FAM135B: variants seen among roughly 807,000 people sequenced by gnomAD.
The protein encoded by FAM135B is family with sequence similarity 135 member B, also known as protein FAM135B.
FAM135B carries 43 observed loss-of-function variants against 127.7 expected under a neutral mutation model. The ratio of observed to expected loss-of-function variants is 0.34; its 90% CI spans 0.26 to 0.43. FAM135B has a LOEUF of 0.43. Ranked by LOEUF, FAM135B falls within the 20% of genes least tolerant of loss-of-function variation. The probability of loss-of-function intolerance (pLI) is 1.00; values close to 1 mark genes in which losing one functional copy is unlikely to be tolerated. For synonymous variants in FAM135B, 670 were observed against 665.1 expected (o/e 1.01, Z -0.11); for missense variants, 1,558 against 1,725.6 (o/e 0.90, Z 1.72).
intron 3 of FAM135B, among the ~76,000 whole-genome samples, chr8:138,282,310 G>A (rs1824325595): frequency 6.6e-6 from 1 of 152,090 alleles, no homozygotes; most frequent in African/African-American, 2.4e-5. Context: ...TCCTGAAAAA[G>A]AGAAGAACTG....
intron 1 of FAM135B, among the ~76,000 whole-genome samples, chr8:138,378,446 G>A (rs1036675271): frequency 1.3e-5 from 2 of 152,168 alleles, no homozygotes; most frequent in East Asian, 1.9e-4. Context: ...TATGATAAAT[G>A]CTTAATAAGT....
At chr8:138,396,216 C>G (rs1247029331) in intron 1 of FAM135B, among the ~76,000 whole-genome samples, 1 of 152,116 alleles carries the variant, frequency 6.6e-6, no homozygotes, top group Non-Finnish European at 1.5e-5. Flanking sequence ...TGCAGTCTTC[C>G]CCACTGAAAT....
intron 1 of FAM135B, among the ~76,000 whole-genome samples, chr8:138,452,545 A>G (rs538901721): frequency 3.3e-5 from 5 of 152,324 alleles, no homozygotes; most frequent in East Asian, 1.9e-4. Flanking sequence ...CAGCTTCTAC[A>G]TAGACATCCT....
At position 138,243,698 on chromosome 8, in the gene FAM135B, A is replaced by G. The variant is rs1821049940; in HGVS notation, c.543-630T>C. Among the ~76,000 whole-genome samples, 2 of 152,228 alleles carry G rather than the reference A, an allele frequency of 1.3e-5. No individual in the cohort carries two copies. The highest frequency in any genetic ancestry group is 2.4e-5 in the African/African-American group (1 of 41,454). On this transcript the variant is annotated intron_variant, in intron 6 of 19. Transcript: ENST00000395297. This position sits in a 1 kb window ranked among gnomAD's most constrained non-coding sequence, Gnocchi z 7.5. ...TGTGATGGCAATGATCAATTTCAGGATCAAAGGAGATTAGGAAAAGATGTG... is the reference window on the plus strand; with the variant it reads ...TGTGATGGCAATGATCAATTTCAGGGTCAAAGGAGATTAGGAAAAGATGTG...
intron 14 of FAM135B, among the ~76,000 whole-genome samples, chr8:138,146,592 C>T (rs139474304): frequency 2.6e-4 from 39 of 152,022 alleles, no homozygotes; most frequent in East Asian, 1.2e-3. Context: ...GCAAGCTCTA[C>T]GGAGGCACAG....
chr8:138,155,949 A>G (rs1818692570), intron 12 of FAM135B, among the ~76,000 whole-genome samples: 1 of 152,216 alleles, frequency 6.6e-6, no homozygotes, highest in East Asian at 1.9e-4. Context: ...AGCAGACCTA[A>G]TAGACATCTA....
chr8:138,378,878 C>T (rs1317442416), intron 1 of FAM135B, among the ~76,000 whole-genome samples: 1 of 152,080 alleles, frequency 6.6e-6, no homozygotes, highest in African/African-American at 2.4e-5. Flanking sequence ...ATTTCACAAT[C>T]TCATAAAAAG....
At chr8:138,427,462 A>C (rs1313739050) in intron 1 of FAM135B, among the ~76,000 whole-genome samples, 4 of 152,054 alleles carry the variant, frequency 2.6e-5, no homozygotes, top group Admixed American at 6.6e-5. Context: ...TCAAAAATAT[A>C]AGTTAAGTTT....
At chr8:138,321,029 A>G (rs1172640776) in intron 2 of FAM135B, among the ~76,000 whole-genome samples, 2 of 152,192 alleles carry the variant, frequency 1.3e-5, no homozygotes, top group African/African-American at 4.8e-5. Flanking sequence ...AATCATTATT[A>G]TGAAAAGTCA....
In FAM135B at chr8:138,433,523, CAATAAATAAATA is replaced by C. The variant is rs144218276; in HGVS notation, c.-20+63136_-20+63147del. Among the ~76,000 whole-genome samples, 980 of 140,712 alleles carry C rather than the reference CAATAAATAAATA, an allele frequency of 7.0e-3. 6 individuals carry two copies. The highest frequency in any genetic ancestry group is 0.021 in the African/African-American group (795 of 38,080). The allele number at this position is 140,712 out of a possible 152,430, so 92.3% of individuals were successfully genotyped here. ...TGGATGACAGAGCAAGATTCTGTCT[CAATAAATAAATA>C]AATAAATAAATAAATAAATAAATAA... is the stretch of plus-strand genomic sequence containing the variant. On this transcript the variant is annotated intron_variant, in intron 1 of 19. Coordinates refer to ENST00000395297, the MANE Select transcript of FAM135B (RefSeq NM_015912.4).
chr8:138,484,879 C>T (rs1814925836), intron 1 of FAM135B, among the ~76,000 whole-genome samples: 1 of 152,122 alleles, frequency 6.6e-6, no homozygotes, highest in Non-Finnish European at 1.5e-5. Context: ...ACCTTGGGCA[C>T]AAGAGTCCAT....
intron 7 of FAM135B, among the ~76,000 whole-genome samples, chr8:138,201,252 C>T (rs138215626): frequency 2.0e-5 from 3 of 152,268 alleles, no homozygotes; most frequent in Non-Finnish European, 4.4e-5. Flanking sequence ...AGCTTCAGGA[C>T]ACATTAAAGG....
intron 1 of FAM135B, among the ~76,000 whole-genome samples, chr8:138,394,966 T>G (rs1587339921): frequency 2.0e-5 from 3 of 152,306 alleles, no homozygotes; most frequent in Middle Eastern, 6.8e-3. Context: ...AATCATTTAA[T>G]GGACATGATT....
At chr8:138,385,682 G>A (rs1213566263) in intron 1 of FAM135B, among the ~76,000 whole-genome samples, 3 of 151,868 alleles carry the variant, frequency 2.0e-5, no homozygotes, top group Admixed American at 2.0e-4. Flanking sequence ...CATGGTGGTG[G>A]GTGCCTGTAA....
intron 16 of FAM135B, 30 bp downstream of exon 16, chr8:138,142,982 C>T (rs1586584273): frequency 1.7e-6 from 2 of 1,188,252 alleles, no homozygotes; most frequent in East Asian, 4.7e-5. Flanking sequence ...CCTCTTCCCC[C>T]AGCATTAACT....
rs1355064766 is a variant in FAM135B, at chr8:138,497,251, G to C, written c.-600C>G. Among the ~76,000 whole-genome samples, 3 of 150,526 alleles carry C rather than the reference G, an allele frequency of 2.0e-5. No individual in the cohort carries two copies. The East Asian group carries it at 5.9e-4, about 30-fold the overall frequency. ...GCCGCTGCGCACCGCGTGGGTAGAC[G>C]CTGCGCGACTGGCTGGCGGCGCGGC... On this transcript the variant is annotated 5_prime_UTR_variant, in exon 1 of 20. Coordinates refer to ENST00000395297, the MANE Select transcript of FAM135B (RefSeq NM_015912.4).
rs545791378 is a variant in FAM135B at position 138,182,279 on chromosome 8, C to T, written c.874-3589G>A. On this transcript the variant is annotated intron_variant, in intron 9 of 19. Transcript: ENST00000395297. ...ATTAAGCCACAAGAGGACTTTTCTA[C>T]TCCACAGATGCCCGAGCCTGTGCAA... Among the ~76,000 whole-genome samples the T allele has an allele frequency of 1.5e-3, 233 of 152,372 alleles. 1 individual carries two copies. Among genetic ancestry groups the T allele is most frequent in the Admixed American group, 4.9e-3 (75 of 15,312 alleles).
intron 2 of FAM135B, among the ~76,000 whole-genome samples, chr8:138,344,577 C>CT (rs869039075): frequency 9.7e-4 from 81 of 83,934 alleles, no homozygotes; most frequent in African/African-American, 2.8e-3. Flanking sequence ...TTCTTTCTTT[C>CT]TTTTTTTTTT....
chr8:138,300,982 C>CTTTGTGATCTGCCCACCTCGGCCTCCCAA (rs1217076922), intron 3 of FAM135B, among the ~76,000 whole-genome samples: 1 of 152,022 alleles, frequency 6.6e-6, no homozygotes, highest in Non-Finnish European at 1.5e-5. Flanking sequence ...CATCTCTCGA[C>CTTTGTGATCTGCCCACCTCGGCCTCCCAA]TTTGTGATCT....
Sources: allele counts gnomAD v4.1 joint callset (sites outside exome capture counted in the v4.1 genomes callset), GRCh38; gene constraint gnomAD v4.1.1; non-coding constraint Gnocchi (gnomAD v3.1); transcripts MANE v1.5; gene names NCBI Gene and HGNC (gene_info 2026-07-23, HGNC 2026-07-21).